Variants in COL24A1 observed in about 807,000 individuals in gnomAD.
The protein encoded by COL24A1 is collagen type XXIV alpha 1 chain.
COL24A1 carries 224 observed loss-of-function variants against 253.9 expected under a neutral mutation model. The observed-to-expected ratio is 0.88, with a 90% CI of 0.79 to 0.99. COL24A1 has a LOEUF of 0.99. Among genes scored for constraint, COL24A1 ranks in the 50% least tolerant of loss-of-function variants. The pLI, the probability that COL24A1 is intolerant of heterozygous loss-of-function variation, is 0.00. For missense variants in COL24A1, 2,131 were observed against 2,068.5 expected (o/e 1.03, Z -0.59); for synonymous variants, 685 against 673.7 (o/e 1.02, Z -0.26).
chr1:85,795,841 T>C (rs1269495566), intron 47 of COL24A1, among the ~76,000 whole-genome samples: 1 of 152,124 alleles, frequency 6.6e-6, no homozygotes, highest in Non-Finnish European at 1.5e-5. Flanking sequence ...CCAGAAGTTA[T>C]ATAAATAATA....
intron 47 of COL24A1, among the ~76,000 whole-genome samples, chr1:85,803,587 C>CTTTT (rs35131423): frequency 6.7e-6 from 1 of 148,580 alleles, no homozygotes; most frequent in African/African-American, 2.5e-5. Flanking sequence ...TAGGTTTGCA[C>CTTTT]TTTTTTTTTT....
At chr1:85,770,271 C>T (rs1158599198) in intron 53 of COL24A1, among the ~76,000 whole-genome samples, 1 of 150,944 alleles carries the variant, frequency 6.6e-6, no homozygotes, top group Non-Finnish European at 1.5e-5. Context: ...ATAACTGCAA[C>T]TTAATTATTC....
chr1:85,847,040 T>C lies in COL24A1; in HGVS notation c.3462+625A>G, dbSNP rs1473365804. Among the ~76,000 whole-genome samples the C allele has an allele frequency of 2.0e-5, 3 of 152,264 alleles. 1 individual carries two copies. Among genetic ancestry groups the C allele is most frequent in the South Asian group, 4.1e-4 (2 of 4,824 alleles). On this transcript the variant is annotated intron_variant, in intron 39 of 59. Transcript: ENST00000370571. ...AAGCCTATGAAACAGAAGACTCAAT[T>C]AGATAATCTTTTAAATATTTTGCAT...
chr1:86,105,378 T>A (rs1386809069), intron 5 of COL24A1, among the ~76,000 whole-genome samples: 2 of 152,172 alleles, frequency 1.3e-5, no homozygotes, highest in African/African-American at 4.8e-5. Context: ...ACAGGTCAGC[T>A]GTTGCGTGTC....
intron 28 of COL24A1, among the ~76,000 whole-genome samples, chr1:85,901,824 C>CAAAAAAAAAAAAA (rs55862441): frequency 2.2e-3 from 125 of 57,760 alleles, no homozygotes; most frequent in East Asian, 6.4e-3. Flanking sequence ...GACTCCGTCT[C>CAAAAAAAAAAAAA]AAAAAAAAAA....
At chr1:86,108,639 AAAAAAAAAAAAT>A (rs1355340420) in intron 5 of COL24A1, among the ~76,000 whole-genome samples, 1 of 147,404 alleles carries the variant, frequency 6.8e-6, no homozygotes, top group Non-Finnish European at 1.5e-5. Flanking sequence ...AAAAAAAAAA[AAAAAAAAAAAAT>A]TTTAAATTAG....
intron 47 of COL24A1, among the ~76,000 whole-genome samples, chr1:85,789,011 T>C (rs1669998829): frequency 6.6e-6 from 1 of 152,234 alleles, no homozygotes; most frequent in Non-Finnish European, 1.5e-5. Flanking sequence ...TCTAGCTTTG[T>C]TCTTTTTGCT....
Position 85,825,446 on chromosome 1 carries a change from G to A in COL24A1, c.3682-1708C>T, listed in dbSNP as rs898197255. On this transcript the variant is annotated intron_variant, in intron 43 of 59. Transcript: ENST00000370571. ...TCCTTTGGTTATATACCCAGTAATG[G>A]GATGGCTGGGTCAAATGATATTTGT... is the stretch of plus-strand genomic sequence containing the variant. Among the ~76,000 whole-genome samples the A allele has an allele frequency of 2.6e-5, 4 of 152,238 alleles. No homozygotes were observed. The East Asian group carries it at 7.7e-4, about 29-fold the overall frequency.
intron 31 of COL24A1, among the ~76,000 whole-genome samples, chr1:85,891,420 T>C (rs1683128775): frequency 6.6e-6 from 1 of 152,144 alleles, no homozygotes; most frequent in African/African-American, 2.4e-5. Context: ...ATACAGCTAA[T>C]CACAAATACC....
At chr1:85,754,945 T>C (rs1433775325) in intron 55 of COL24A1, among the ~76,000 whole-genome samples, 1 of 152,134 alleles carries the variant, frequency 6.6e-6, no homozygotes, top group Non-Finnish European at 1.5e-5. Flanking sequence ...ATCACAAATC[T>C]GATGCAAAAA....
chr1:85,780,368 A>G (rs1669024828), intron 52 of COL24A1, among the ~76,000 whole-genome samples: 2 of 151,934 alleles, frequency 1.3e-5, no homozygotes, highest in South Asian at 4.2e-4. Flanking sequence ...TCTAAGTCTC[A>G]ATTTGACCCT....
At chr1:85,997,017 ATG>A (rs1311098127) in intron 19 of COL24A1, among the ~76,000 whole-genome samples, 3 of 131,120 alleles carry the variant, frequency 2.3e-5, no homozygotes, top group African/African-American at 8.3e-5. Context: ...TCATATATAT[ATG>A]TGTGTGTGTA....
At chr1:86,144,271 T>C (rs1055219966) in intron 2 of COL24A1, among the ~76,000 whole-genome samples, 1 of 152,140 alleles carries the variant, frequency 6.6e-6, no homozygotes, top group Non-Finnish European at 1.5e-5. Flanking sequence ...CTTTCATTTA[T>C]TCCTTTTGTT....
intron 31 of COL24A1, among the ~76,000 whole-genome samples, chr1:85,891,318 C>G (rs920908564): frequency 6.6e-6 from 1 of 151,694 alleles, no homozygotes; most frequent in South Asian, 2.1e-4. Flanking sequence ...CCCGCCTTGG[C>G]CTCCCAAAGT....
chr1:86,112,464 T>C, intron 5 of COL24A1, 103 bp downstream of exon 5: 1 of 952,352 alleles, frequency 1.1e-6, no homozygotes, highest in South Asian at 1.7e-5. Flanking sequence ...CAGAGATCCT[T>C]GATGTATCAA....
chr1:86,085,133 T>C (rs939051635), intron 7 of COL24A1, among the ~76,000 whole-genome samples: 1 of 152,170 alleles, frequency 6.6e-6, no homozygotes, highest in Admixed American at 6.5e-5. Context: ...TATAGCTCCT[T>C]AGTACTATCC....
intron 55 of COL24A1, among the ~76,000 whole-genome samples, chr1:85,746,317 A>G (rs1327808204): frequency 2.0e-5 from 3 of 152,182 alleles, no homozygotes; most frequent in South Asian, 2.1e-4. Flanking sequence ...TTGAAAAACT[A>G]TTTGAAATGA....
intron 7 of COL24A1, among the ~76,000 whole-genome samples, chr1:86,088,721 A>G (rs1001431025): frequency 6.6e-6 from 1 of 152,048 alleles, no homozygotes; most frequent in Non-Finnish European, 1.5e-5. Context: ...TAAAATGAGA[A>G]CCCCTTAACA....
At chr1:85,826,108 G>A (rs1271139182) in intron 43 of COL24A1, among the ~76,000 whole-genome samples, 2 of 139,436 alleles carry the variant, frequency 1.4e-5, no homozygotes, top group African/African-American at 2.6e-5. Flanking sequence ...TGTATAAGGT[G>A]TAAGGAAGGG....
Sources: allele counts gnomAD v4.1 joint callset (sites outside exome capture counted in the v4.1 genomes callset), GRCh38; gene constraint gnomAD v4.1.1; transcripts MANE v1.5; gene names NCBI Gene and HGNC (gene_info 2026-07-23, HGNC 2026-07-21).